NTM: variants seen among roughly 807,000 people sequenced by gnomAD.
NTM encodes IgLON family member 2.
NTM carries 13 observed loss-of-function variants against 42.1 expected under a neutral mutation model. The ratio of observed to expected loss-of-function variants is 0.31; its 90% CI spans 0.20 to 0.49. NTM has a LOEUF of 0.49. NTM is among the 20% of genes least tolerant of loss of function. The probability of loss-of-function intolerance (pLI) is 0.99; values close to 1 mark genes in which losing one functional copy is unlikely to be tolerated. For synonymous variants in NTM, 187 were observed against 179.2 expected (o/e 1.04, Z -0.35); for missense variants, 373 against 452.8 (o/e 0.82, Z 1.60).
chr11:131,774,804 T>G (rs2086704095), intron 1 of NTM, among the ~76,000 whole-genome samples: 1 of 152,218 alleles, frequency 6.6e-6, no homozygotes, highest in Non-Finnish European at 1.5e-5. Flanking sequence ...GGGCTCTTCC[T>G]AGATGCATGT....
chr11:131,965,306 G>A (rs761707778), intron 2 of NTM, among the ~76,000 whole-genome samples: 22 of 152,086 alleles, frequency 1.4e-4, no homozygotes, highest in Non-Finnish European at 2.4e-4. Context: ...GTACAGTGGA[G>A]GGAGGTCACC....
intron 1 of NTM, among the ~76,000 whole-genome samples, chr11:131,851,548 T>A (rs930340736): frequency 1.3e-5 from 2 of 151,682 alleles, no homozygotes; most frequent in Non-Finnish European, 2.9e-5. Flanking sequence ...TGTGTGTGTG[T>A]GTGTGTGTGT....
intron 3 of NTM, among the ~76,000 whole-genome samples, chr11:132,188,249 G>GT (rs1592107721): frequency 6.6e-6 from 1 of 152,206 alleles, no homozygotes; most frequent in Non-Finnish European, 1.5e-5. Context: ...CCAAATGTCA[G>GT]TAGTGCTGAG....
chr11:131,580,035 T>C (rs1234303558), intron 1 of NTM, among the ~76,000 whole-genome samples: 1 of 152,128 alleles, frequency 6.6e-6, no homozygotes, highest in Non-Finnish European at 1.5e-5. Flanking sequence ...TGGCCTATAA[T>C]GTACCCAGAG....
At position 131,424,595 on chromosome 11, in the gene NTM, C is replaced by CTTTTTTTTTTTTTTT. The variant is rs1446801058; in HGVS notation, c.82+53711_82+53712insTTTTTTTTTTTTTTT. Among the ~76,000 whole-genome samples, 35 of 39,616 alleles carry CTTTTTTTTTTTTTTT rather than the reference C, an allele frequency of 8.8e-4. 1 individual carries two copies. Among genetic ancestry groups the CTTTTTTTTTTTTTTT allele is most frequent in the East Asian group, 7.6e-3 (8 of 1,048 alleles). The allele number at this position is 39,616 out of a possible 152,430, so 26.0% of individuals were successfully genotyped here. ...TGCTTAGTTGTTTTTTATTTCTTTTCTTTTCTTTTTTTTTTTTTTTTTTGG... is the reference window on the plus strand; with the variant it reads ...TGCTTAGTTGTTTTTTATTTCTTTTCTTTTTTTTTTTTTTTTTTTCTTTTTTTTTTTTTTTTTTGG... On this transcript the variant is annotated intron_variant, in intron 1 of 8. Transcript: ENST00000683400.
chr11:131,603,907 C>A (rs879376148), intron 1 of NTM, among the ~76,000 whole-genome samples: 16 of 152,024 alleles, frequency 1.1e-4, no homozygotes, highest in Admixed American at 3.9e-4. Flanking sequence ...TTGTGTAGAT[C>A]TGCTACATTT....
chr11:131,817,477 C>A (rs1349436761), intron 1 of NTM, among the ~76,000 whole-genome samples: 1 of 152,150 alleles, frequency 6.6e-6, no homozygotes, highest in Non-Finnish European at 1.5e-5. Context: ...TTCAGCCTGA[C>A]CTAGAAGTAG....
intron 1 of NTM, among the ~76,000 whole-genome samples, chr11:131,616,778 G>GGGGTGTGTGT (rs1555166354): frequency 2.1e-5 from 3 of 141,882 alleles, no homozygotes; most frequent in African/African-American, 8.1e-5. Context: ...GTCTTGAGGG[G>GGGGTGTGTGT]GTGTGTGTGT....
At chr11:132,042,493 G>A (rs1336135398) in intron 2 of NTM, among the ~76,000 whole-genome samples, 1 of 152,214 alleles carries the variant, frequency 6.6e-6, no homozygotes, top group Non-Finnish European at 1.5e-5. Flanking sequence ...ATTTTCCACA[G>A]CATCACTCTT....
At chr11:132,211,087 A>C (rs976492761) in intron 3 of NTM, among the ~76,000 whole-genome samples, 1 of 152,206 alleles carries the variant, frequency 6.6e-6, no homozygotes, top group Non-Finnish European at 1.5e-5. Flanking sequence ...GCAGAGAAGT[A>C]TAGAGGGTAG....
At chr11:132,190,142 G>A (rs532502835) in intron 3 of NTM, among the ~76,000 whole-genome samples, 1 of 152,292 alleles carries the variant, frequency 6.6e-6, no homozygotes, top group African/African-American at 2.4e-5. Context: ...GGGACAGAGT[G>A]TGCACAATAC....
chr11:131,747,213 A>T (rs1243589355), intron 1 of NTM, among the ~76,000 whole-genome samples: 2 of 152,188 alleles, frequency 1.3e-5, no homozygotes, highest in East Asian at 3.8e-4. Flanking sequence ...CCCAAACTCT[A>T]TGTGCAGTCA....
chr11:131,570,684 G>T (rs1032701729), intron 1 of NTM, among the ~76,000 whole-genome samples: 12 of 152,142 alleles, frequency 7.9e-5, no homozygotes, highest in African/African-American at 2.4e-4. Context: ...TTAGCCAGGC[G>T]TGGTGGTGCG....
At chr11:131,987,385 TATTC>T (rs1482689151) in intron 2 of NTM, among the ~76,000 whole-genome samples, 58 of 66,080 alleles carry the variant, frequency 8.8e-4, no homozygotes, top group African/African-American at 2.2e-3. Flanking sequence ...CCTCCTATTC[TATTC>T]TATTCTATTC....
Position 132,261,205 on chromosome 11 carries a change from G to A in NTM, c.527-46484G>A, listed in dbSNP as rs568904011. Among the ~76,000 whole-genome samples, 5 of 152,240 alleles carry A rather than the reference G, an allele frequency of 3.3e-5. No homozygotes were observed. The East Asian group carries it at 9.7e-4, about 29-fold the overall frequency. ...AGAACTCTTTGGCCAAGAGAGTAGA[G>A]GTGGCTCCACCTCCCTGCCAGAACT... On this transcript the variant is annotated intron_variant, in intron 4 of 8. Transcript: ENST00000683400.
At chr11:132,215,256 C>T (rs2083605900) in intron 4 of NTM, among the ~76,000 whole-genome samples, 1 of 151,872 alleles carries the variant, frequency 6.6e-6, no homozygotes, top group African/African-American at 2.4e-5. Flanking sequence ...TGCCAAATCC[C>T]TGGATGAACA....
chr11:131,449,136 GT>G (rs549068780), intron 1 of NTM, among the ~76,000 whole-genome samples: 175 of 152,356 alleles, frequency 1.1e-3, no homozygotes, highest in Non-Finnish European at 2.1e-3. Flanking sequence ...GCTCAGTCAG[GT>G]TAGGTGCTTA....
intron 2 of NTM, among the ~76,000 whole-genome samples, chr11:132,052,333 C>G (rs552177446): frequency 6.6e-6 from 1 of 152,310 alleles, no homozygotes; most frequent in East Asian, 1.9e-4. Context: ...TTCCGGCATT[C>G]TCTCTAAGTT....
At chr11:132,263,206 C>A (rs935756045) in intron 4 of NTM, among the ~76,000 whole-genome samples, 1 of 152,326 alleles carries the variant, frequency 6.6e-6, no homozygotes, top group South Asian at 2.1e-4. Flanking sequence ...GCTCCAACCC[C>A]AAGGCTGTTC....
Sources: allele counts gnomAD v4.1 joint callset (sites outside exome capture counted in the v4.1 genomes callset), GRCh38; gene constraint gnomAD v4.1.1; transcripts MANE v1.5; gene names NCBI Gene and HGNC (gene_info 2026-07-23, HGNC 2026-07-21).